NECTIN1: variants seen among roughly 807,000 people sequenced by gnomAD.
The protein encoded by NECTIN1 is nectin-1.
In NECTIN1, 23 loss-of-function variants were observed where a neutral mutation model predicts 48.0. The ratio of observed to expected loss-of-function variants is 0.48; its 90% confidence interval spans 0.34 to 0.68. NECTIN1 has a LOEUF of 0.68. Ranked by LOEUF, NECTIN1 falls within the 30% of genes least tolerant of loss-of-function variation. The probability of loss-of-function intolerance (pLI) is 0.01; values close to 1 mark genes in which losing one functional copy is unlikely to be tolerated. For missense variants in NECTIN1, 591 were observed against 709.9 expected (o/e 0.83, Z 1.90); for synonymous variants, 270 against 288.9 (o/e 0.93, Z 0.66).
intron 1 of NECTIN1, among the ~76,000 whole-genome samples, chr11:119,724,255 C>T (rs1392729427): frequency 6.6e-6 from 1 of 152,228 alleles, no homozygotes; most frequent in Non-Finnish European, 1.5e-5. Context: ...TTGCCCCTCC[C>T]AGCCGTTCAT....
rs1467920422 is a variant in NECTIN1 at position 119,727,330 on chromosome 11, C to T, written c.79+1145G>A. ...GCCCCACGAGGAGATGGTCTCTGTA[C>T]ACTGACCCCCTATTCTGCCACCCCA... On this transcript the variant is annotated intron_variant, in intron 1 of 5. Transcript: ENST00000264025. The surrounding 1 kb of genome is among the most constrained non-coding windows in gnomAD (Gnocchi z 4.1). Among the ~76,000 whole-genome samples the T allele has an allele frequency of 6.6e-6, 1 of 152,186 alleles. No individual in the cohort carries two copies. Among genetic ancestry groups the T allele is most frequent in the Non-Finnish European group, 1.5e-5 (1 of 68,036 alleles).
chr11:119,664,275 G>A lies in NECTIN1; in HGVS notation c.*472C>T. The A allele has an allele frequency of 2.0e-6, 2 of 996,490 alleles. No homozygotes were observed. The highest frequency in any genetic ancestry group is 1.1e-4 in the East Asian group (1 of 9,194). 61.7% of individuals were successfully genotyped at this position (996,490 alleles called of 1,614,324 possible). The stretch of plus-strand genomic sequence containing the variant: ...ATCAGATTTCACTGGTGGGTGTTGG[G>A]TTCCCTCTAGCCGGGAGGAGGAGCA... On this transcript the variant is annotated 3_prime_UTR_variant, in exon 6 of 6. Coordinates refer to ENST00000264025, the MANE Select transcript of NECTIN1 (RefSeq NM_002855.5).
chr11:119,656,963 C>G (rs1864584567), downstream of NECTIN1, among the ~76,000 whole-genome samples: 1 of 152,178 alleles, frequency 6.6e-6, no homozygotes, highest in Non-Finnish European at 1.5e-5. Flanking sequence ...GCCCAGGGAA[C>G]AAGCGCCTAT....
intron 1 of NECTIN1, among the ~76,000 whole-genome samples, chr11:119,702,304 T>C (rs1307361112): frequency 1.3e-5 from 2 of 152,224 alleles, no homozygotes; most frequent in African/African-American, 4.8e-5. Context: ...CGTATGGTCA[T>C]GACAGCTGGG....
At chr11:119,656,085 C>A (rs753202789), downstream of NECTIN1, among the ~76,000 whole-genome samples, 4 of 152,108 alleles carry the variant, frequency 2.6e-5, no homozygotes, top group Non-Finnish European at 5.9e-5. Flanking sequence ...TGTAGAGATG[C>A]AAGTCTCGCT....
chr11:119,717,775 C>T (rs914720369), intron 1 of NECTIN1, among the ~76,000 whole-genome samples: 7 of 152,146 alleles, frequency 4.6e-5, no homozygotes, highest in African/African-American at 9.7e-5. Context: ...CCTGCAGGCC[C>T]GGGGGTAGGG....
rs1045101617 is a variant in NECTIN1 at position 119,675,178 on chromosome 11, C to T, written c.984G>A (p.Gln328=). 1.2e-6 allele frequency: 2 copies of T among 1,614,178 alleles called. No individual in the cohort carries two copies. The highest frequency in any genetic ancestry group is 1.7e-6 in the Non-Finnish European group (2 of 1,180,044). ...ATNPIGTRSG[Q]VEVNITEFPY... is the part of the protein sequence containing the mutation. ...TCCTACCTGTGATATTGACCTCCAC[C>T]TGGCCTGAGCGTGTACCGATGGGGT... The change falls in exon 5 of 6, where the codon CAG becomes CAA. Residue 328 remains glutamine, a synonymous_variant. Transcript: ENST00000264025.
At chr11:119,699,443 C>A (rs909324901) in intron 1 of NECTIN1, among the ~76,000 whole-genome samples, 23 of 152,314 alleles carry the variant, frequency 1.5e-4, no homozygotes, top group Admixed American at 4.6e-4. Flanking sequence ...GCCGGCCACA[C>A]CCAGCTCTGT....
chr11:119,658,128 G>T (rs1238394993), downstream of NECTIN1, among the ~76,000 whole-genome samples: 4 of 152,178 alleles, frequency 2.6e-5, 1 homozygote, highest in Admixed American at 2.6e-4. Flanking sequence ...GGCCAGCCAT[G>T]TGCTTTTCTC....
intron 1 of NECTIN1, among the ~76,000 whole-genome samples, chr11:119,712,125 T>A (rs1376789936): frequency 6.6e-6 from 1 of 152,164 alleles, no homozygotes; most frequent in African/African-American, 2.4e-5. Flanking sequence ...CAAGTTGGGC[T>A]TGGACTGCGC....
intron 6 of NECTIN1, among the ~76,000 whole-genome samples, chr11:119,639,232 G>A (rs999893874): frequency 2.0e-5 from 3 of 152,150 alleles, no homozygotes; most frequent in Non-Finnish European, 2.9e-5. Context: ...GAAAATCAAC[G>A]TAAAAATCCG....
intron 5 of NECTIN1, among the ~76,000 whole-genome samples, chr11:119,650,089 T>G (rs1357640572): frequency 3.5e-5 from 5 of 142,084 alleles, no homozygotes; most frequent in African/African-American, 7.9e-5. Flanking sequence ...CGGGCAAGAG[T>G]GGGGGTCACA....
chr11:119,717,020 G>A (rs1395178970), intron 1 of NECTIN1, among the ~76,000 whole-genome samples: 1 of 152,254 alleles, frequency 6.6e-6, no homozygotes, highest in East Asian at 1.9e-4. Context: ...AGTGCCGAGG[G>A]GCTAGCAGTA....
At chr11:119,659,565 C>T (rs1864626833), downstream of NECTIN1, among the ~76,000 whole-genome samples, 1 of 152,144 alleles carries the variant, frequency 6.6e-6, no homozygotes. Context: ...TTCCAAGGCC[C>T]AACTGGACTA....
chr11:119,712,493 C>T (rs572266435), intron 1 of NECTIN1, among the ~76,000 whole-genome samples: 1 of 152,274 alleles, frequency 6.6e-6, no homozygotes, highest in Non-Finnish European at 1.5e-5. Flanking sequence ...GTACTCTCAG[C>T]CCCAGCACGT....
intron 1 of NECTIN1, among the ~76,000 whole-genome samples, chr11:119,702,674 C>T (rs934346015): frequency 5.9e-5 from 9 of 152,168 alleles, no homozygotes; most frequent in African/African-American, 2.2e-4. Context: ...AGCTCTGTGA[C>T]TTTTTTTTCT....
At chr11:119,707,119 T>C (rs1056260796) in intron 1 of NECTIN1, among the ~76,000 whole-genome samples, 2 of 152,088 alleles carry the variant, frequency 1.3e-5, no homozygotes, top group Non-Finnish European at 2.9e-5. Context: ...GGCCGTTTCA[T>C]CCTTAAGTGA....
Position 119,677,860 on chromosome 11 carries a change from G to A in NECTIN1, c.431-3C>T. 1 of 1,613,868 alleles carries A rather than the reference G, an allele frequency of 6.2e-7. No individual in the cohort carries two copies. Among genetic ancestry groups the A allele is most frequent in the Non-Finnish European group, 8.5e-7 (1 of 1,179,860 alleles). On this transcript the variant is annotated splice_region_variant and splice_polypyrimidine_tract_variant and intron_variant, in intron 2 of 5. Transcript: ENST00000264025. The surrounding 1 kb of genome is among the most constrained non-coding windows in gnomAD (Gnocchi z 5.4). ...CTCTATCCAATTGGTGGGTTTGGCT[G>A]CGAGGAAGCAGAGAGAGTGATGGGA...
rs142139957 is a variant in NECTIN1 at position 119,699,176 on chromosome 11, C to T, written c.80-20411G>A. ...GGAAGTGCCATGTGTCTCTGCCAGC[C>T]GGCCCCCTGGTAGGTACCAGCACAG... On this transcript the variant is annotated intron_variant, in intron 1 of 5. Transcript: ENST00000264025. Among the ~76,000 whole-genome samples, 633 of 152,280 alleles carry T rather than the reference C, an allele frequency of 4.2e-3. 5 individuals carry two copies. Among genetic ancestry groups the T allele is most frequent in the African/African-American group, 0.015 (603 of 41,536 alleles).
Sources: allele counts gnomAD v4.1 joint callset (sites outside exome capture counted in the v4.1 genomes callset), GRCh38; gene constraint gnomAD v4.1.1; non-coding constraint Gnocchi (gnomAD v3.1); transcripts MANE v1.5; gene names NCBI Gene and HGNC (gene_info 2026-07-23, HGNC 2026-07-21).